SLC25A21: variants seen among roughly 807,000 people sequenced by gnomAD.
SLC25A21 encodes the protein solute carrier family 25 member 21, also known as mitochondrial 2-oxodicarboxylate carrier.
SLC25A21 carries 47 observed loss-of-function variants against 43.8 expected under a neutral mutation model. That is an observed-to-expected ratio of 1.07 (90% CI 0.85 to 1.37). The LOEUF is 1.37. Ranked by LOEUF, SLC25A21 falls within the 40% of genes most tolerant of loss-of-function variation. The pLI, the probability that SLC25A21 is intolerant of heterozygous loss-of-function variation, is 0.00. For synonymous variants in SLC25A21, 131 were observed against 121.3 expected, an observed-to-expected ratio of 1.08 and a Z score of -0.52; for missense variants, 352 against 350.2, an observed-to-expected ratio of 1.00 and a Z score of -0.04.
At position 36,693,590 on chromosome 14, in the gene SLC25A21, C is replaced by T. The variant is rs114029111; in HGVS notation, c.604-8665G>A. On this transcript the variant is annotated intron_variant, in intron 7 of 9. Transcript: ENST00000331299. ...AGTTCATGTAATCTAGGGATTTTAACTGATCATAAAGATTTATACATATCA... is the reference window on the plus strand; with the variant it reads ...AGTTCATGTAATCTAGGGATTTTAATTGATCATAAAGATTTATACATATCA... Among the ~76,000 whole-genome samples, 1,014 of 152,230 alleles carry T rather than the reference C, an allele frequency of 6.7e-3. 15 individuals are homozygous for T. Among genetic ancestry groups the T allele is most frequent in the African/African-American group, 0.023 (974 of 41,526 alleles).
chr14:36,910,944 C>G (rs1171448838), intron 1 of SLC25A21, among the ~76,000 whole-genome samples: 8 of 152,126 alleles, frequency 5.3e-5, no homozygotes, highest in Non-Finnish European at 7.4e-5. Context: ...GCTTTCTATT[C>G]CTATGTATTG....
chr14:37,163,147 G>C (rs1963976028), intron 1 of SLC25A21, among the ~76,000 whole-genome samples: 2 of 150,964 alleles, frequency 1.3e-5, no homozygotes, highest in South Asian at 2.1e-4. Flanking sequence ...GTTGTGGGGT[G>C]GGGGGATGGG....
At chr14:37,033,834 A>G (rs1961270180) in intron 1 of SLC25A21, among the ~76,000 whole-genome samples, 1 of 152,198 alleles carries the variant, frequency 6.6e-6, no homozygotes, top group Admixed American at 6.5e-5. Flanking sequence ...ATTAATAAAA[A>G]TAACATTTAC....
Position 37,134,648 on chromosome 14 carries a change from T to TA in SLC25A21, c.70+37632dup, listed in dbSNP as rs11347791. On this transcript the variant is annotated intron_variant, in intron 1 of 9. Transcript: ENST00000331299. ...GGGTCACAGAGTGAGACTCCATCTC[T>TA]AAAAAAAAAAAAAAAGAAAGAAAGA... 1.3e-3 allele frequency among the ~76,000 whole-genome samples: 157 copies of TA among 122,694 alleles called. 2 individuals carry two copies. Among genetic ancestry groups the TA allele is most frequent in the African/African-American group, 4.5e-3 (137 of 30,168 alleles). 80.5% of individuals were successfully genotyped at this position (122,694 alleles called of 152,430 possible).
chr14:36,775,384 C>T (rs1039090020), intron 3 of SLC25A21, among the ~76,000 whole-genome samples: 2 of 151,930 alleles, frequency 1.3e-5, no homozygotes, highest in Non-Finnish European at 2.9e-5. Flanking sequence ...ACAGCCCTCC[C>T]GAAAAAAATC....
chr14:37,030,240 T>C (rs2138766955), intron 1 of SLC25A21, among the ~76,000 whole-genome samples: 1 of 152,312 alleles, frequency 6.6e-6, no homozygotes, highest in Non-Finnish European at 1.5e-5. Flanking sequence ...ATCTTCATCA[T>C]CTTTATGTTG....
chr14:36,990,669 G>C (rs1960243388), intron 1 of SLC25A21, among the ~76,000 whole-genome samples: 1 of 152,110 alleles, frequency 6.6e-6, no homozygotes, highest in Non-Finnish European at 1.5e-5. Context: ...TTGAGTCCAG[G>C]AGTTCAAGAC....
chr14:37,084,529 AAT>A (rs1962447528), intron 1 of SLC25A21, among the ~76,000 whole-genome samples: 1 of 152,234 alleles, frequency 6.6e-6, no homozygotes, highest in Admixed American at 6.5e-5. Flanking sequence ...TTTCTACCAA[AAT>A]ATGTTGTTTC....
At chr14:36,831,557 G>A (rs1889040467) in intron 2 of SLC25A21, among the ~76,000 whole-genome samples, 2 of 152,224 alleles carry the variant, frequency 1.3e-5, no homozygotes, top group Middle Eastern at 6.8e-3. Context: ...CATAGAGTAG[G>A]TATTAGAATT....
At chr14:36,881,360 T>C (rs1475570193) in intron 1 of SLC25A21, among the ~76,000 whole-genome samples, 1 of 152,090 alleles carries the variant, frequency 6.6e-6, no homozygotes, top group Non-Finnish European at 1.5e-5. Context: ...TGTGTGTGTG[T>C]GTGTGTACAC....
chr14:36,806,288 G>T (rs1888039331), intron 3 of SLC25A21, among the ~76,000 whole-genome samples: 1 of 151,966 alleles, frequency 6.6e-6, no homozygotes, highest in African/African-American at 2.4e-5. Flanking sequence ...AGCTAAGTGG[G>T]ATGAAAAATT....
chr14:36,840,499 A>G lies in SLC25A21; in HGVS notation c.120-26498T>C, dbSNP rs533237555. 4.5e-4 allele frequency among the ~76,000 whole-genome samples: 68 copies of G among 152,284 alleles called. No homozygotes were observed. The South Asian group carries it at 5.4e-3, about 12-fold the overall frequency. Reference sequence around the variant, plus strand: ...AACAAAAACAAAAACGTTTCCCCCAAATGGGTAACCTGAACAAATTCCTTA... The same window carrying G: ...AACAAAAACAAAAACGTTTCCCCCAGATGGGTAACCTGAACAAATTCCTTA... On this transcript the variant is annotated intron_variant, in intron 2 of 9. Transcript: ENST00000331299.
chr14:37,135,306 C>G (rs1963461542), intron 1 of SLC25A21, among the ~76,000 whole-genome samples: 1 of 152,048 alleles, frequency 6.6e-6, no homozygotes, highest in Non-Finnish European at 1.5e-5. Flanking sequence ...GCTGAGATGG[C>G]AGTATCACTT....
At chr14:37,094,388 T>A (rs1387463667) in intron 1 of SLC25A21, among the ~76,000 whole-genome samples, 1 of 152,174 alleles carries the variant, frequency 6.6e-6, no homozygotes, top group Non-Finnish European at 1.5e-5. Flanking sequence ...ATGATGCCTA[T>A]TAATATGGAA....
intron 1 of SLC25A21, among the ~76,000 whole-genome samples, chr14:37,026,617 G>A (rs1273974478): frequency 6.6e-6 from 1 of 152,146 alleles, no homozygotes; most frequent in Non-Finnish European, 1.5e-5. Context: ...CCATACTCAA[G>A]TAAGTTTGGA....
At chr14:36,697,467 T>C (rs2139163227) in intron 7 of SLC25A21, among the ~76,000 whole-genome samples, 1 of 152,302 alleles carries the variant, frequency 6.6e-6, no homozygotes, top group East Asian at 1.9e-4. Flanking sequence ...GATATGCTTG[T>C]TAACCTTCTG....
intron 1 of SLC25A21, among the ~76,000 whole-genome samples, chr14:37,078,389 G>A (rs1370135730): frequency 1.3e-5 from 2 of 151,964 alleles, no homozygotes; most frequent in African/African-American, 2.4e-5. Flanking sequence ...GGGGAAAACA[G>A]AAAAAAACTT....
chr14:36,862,023 T>C (rs559250056), intron 2 of SLC25A21, among the ~76,000 whole-genome samples: 2 of 152,188 alleles, frequency 1.3e-5, no homozygotes, highest in African/African-American at 2.4e-5. Context: ...TCATCATCAC[T>C]GGTCATTAGA....
intron 4 of SLC25A21, among the ~76,000 whole-genome samples, chr14:36,730,013 T>A (rs1175494923): frequency 1.3e-5 from 2 of 152,220 alleles, no homozygotes; most frequent in Admixed American, 6.5e-5. Flanking sequence ...GCATTTCTAT[T>A]GTGGTGTCTC....
Sources: allele counts gnomAD v4.1 joint callset (sites outside exome capture counted in the v4.1 genomes callset), GRCh38; gene constraint gnomAD v4.1.1; transcripts MANE v1.5; gene names NCBI Gene and HGNC (gene_info 2026-07-23, HGNC 2026-07-21).